The following CRPPA variants were observed in gnomAD, a reference collection of about 807,000 sequenced individuals.
CRPPA encodes D-ribitol-5-phosphate cytidylyltransferase.
CRPPA carries 43 observed loss-of-function variants against 52.0 expected under a neutral mutation model. That is an observed-to-expected ratio of 0.83 (90% CI 0.65 to 1.07). The LOEUF (loss-of-function observed/expected upper bound fraction) is 1.07, where lower values mean the gene tolerates loss of function less well. Among genes scored for constraint, CRPPA ranks in the 50% least tolerant of loss-of-function variants. CRPPA has a pLI of 0.00. For synonymous variants in CRPPA, 250 were observed against 203.5 expected (o/e 1.23, Z -1.94); for missense variants, 629 against 551.7 (o/e 1.14, Z -1.40).
intron 9 of CRPPA, among the ~76,000 whole-genome samples, chr7:16,114,144 T>C (rs1174460721): frequency 6.6e-6 from 1 of 151,796 alleles, no homozygotes; most frequent in Non-Finnish European, 1.5e-5. Context: ...AAGAGACTGC[T>C]TAATGTATAA....
At chr7:16,105,875 G>A (rs1782140742) in intron 9 of CRPPA, among the ~76,000 whole-genome samples, 1 of 152,092 alleles carries the variant, frequency 6.6e-6, no homozygotes, top group Non-Finnish European at 1.5e-5. Flanking sequence ...GAAGCTAAAA[G>A]TCCTACCCAA....
chr7:16,104,427 C>T (rs1782107457), intron 9 of CRPPA, among the ~76,000 whole-genome samples: 1 of 152,158 alleles, frequency 6.6e-6, no homozygotes, highest in African/African-American at 2.4e-5. Context: ...AGAATCATTA[C>T]AATTAAATGT....
intron 9 of CRPPA, among the ~76,000 whole-genome samples, chr7:16,128,315 TAA>T (rs1782618866): frequency 6.6e-6 from 1 of 152,044 alleles, no homozygotes; most frequent in African/African-American, 2.4e-5. Context: ...AGAAAAAAAA[TAA>T]AGATGTAATT....
chr7:16,264,453 A>T (rs1222653952), intron 6 of CRPPA, among the ~76,000 whole-genome samples: 1 of 152,244 alleles, frequency 6.6e-6, no homozygotes, highest in Admixed American at 6.5e-5. Flanking sequence ...AAATGCAAAC[A>T]TCTGTGTATT....
At chr7:16,394,495 G>A (rs553866721) in intron 2 of CRPPA, among the ~76,000 whole-genome samples, 3 of 152,220 alleles carry the variant, frequency 2.0e-5, no homozygotes, top group South Asian at 2.1e-4. Flanking sequence ...TCATTGGGGG[G>A]ATTAAATAAG....
intron 6 of CRPPA, among the ~76,000 whole-genome samples, chr7:16,264,558 G>T (rs1427946245): frequency 6.6e-6 from 1 of 152,142 alleles, no homozygotes; most frequent in African/African-American, 2.4e-5. Flanking sequence ...CCTAACTAAG[G>T]CTGAAAGGTT....
At chr7:16,212,222 T>C (rs575804846) in intron 9 of CRPPA, among the ~76,000 whole-genome samples, 28 of 152,304 alleles carry the variant, frequency 1.8e-4, no homozygotes, top group African/African-American at 6.7e-4. Context: ...GCTTGGTTTT[T>C]GCAGGTCTGC....
At chr7:16,349,635 T>C (rs987717064) in intron 3 of CRPPA, among the ~76,000 whole-genome samples, 4 of 151,598 alleles carry the variant, frequency 2.6e-5, no homozygotes, top group Non-Finnish European at 5.9e-5. Context: ...AAAACGTCAA[T>C]GGAATCAGCA....
At chr7:16,257,613 T>C (rs886655671) in intron 8 of CRPPA, among the ~76,000 whole-genome samples, 5 of 152,118 alleles carry the variant, frequency 3.3e-5, no homozygotes, top group African/African-American at 1.2e-4. Flanking sequence ...TTATTACTAA[T>C]CCTACCTGAC....
intron 3 of CRPPA, among the ~76,000 whole-genome samples, chr7:16,366,358 C>G (rs1015570759): frequency 6.6e-6 from 1 of 152,142 alleles, no homozygotes; most frequent in Admixed American, 6.5e-5. Flanking sequence ...TGCATCCTCA[C>G]TAGCAATGTA....
At chr7:16,399,518 C>G (rs937661155) in intron 2 of CRPPA, among the ~76,000 whole-genome samples, 1 of 151,714 alleles carries the variant, frequency 6.6e-6, no homozygotes, top group Non-Finnish European at 1.5e-5. Context: ...GTGACCAGAG[C>G]ATGATTGACA....
At chr7:16,379,344 T>A (rs934889415) in intron 2 of CRPPA, among the ~76,000 whole-genome samples, 3 of 152,228 alleles carry the variant, frequency 2.0e-5, no homozygotes, top group African/African-American at 7.2e-5. Context: ...GTTCCATTGA[T>A]CTATATCTCT....
At chr7:16,338,407 C>CA (rs574096776) in intron 3 of CRPPA, among the ~76,000 whole-genome samples, 27 of 152,282 alleles carry the variant, frequency 1.8e-4, no homozygotes, top group African/African-American at 6.0e-4. Context: ...CTATATATTA[C>CA]AAGCCAATGG....
intron 9 of CRPPA, among the ~76,000 whole-genome samples, chr7:16,124,994 T>C (rs1339919779): frequency 2.6e-5 from 4 of 152,006 alleles, no homozygotes; most frequent in Non-Finnish European, 2.9e-5. Context: ...GTGCAGTGGC[T>C]CACGCCTGTA....
chr7:16,234,513 T>C (rs1012520525), intron 8 of CRPPA, among the ~76,000 whole-genome samples: 21 of 152,092 alleles, frequency 1.4e-4, no homozygotes, highest in African/African-American at 5.1e-4. Flanking sequence ...GATAGTAAAA[T>C]GCATGAAGTT....
chr7:16,365,957 G>GT (rs1470841010), intron 3 of CRPPA, among the ~76,000 whole-genome samples: 1 of 152,180 alleles, frequency 6.6e-6, no homozygotes, highest in Non-Finnish European at 1.5e-5. Context: ...TGAAATGTTA[G>GT]TAAGTGCTTT....
At chr7:16,128,637 G>C (rs892196664) in intron 9 of CRPPA, among the ~76,000 whole-genome samples, 1 of 152,122 alleles carries the variant, frequency 6.6e-6, no homozygotes, top group Non-Finnish European at 1.5e-5. Flanking sequence ...AGTGATATGA[G>C]GTAGAAAGGC....
intron 8 of CRPPA, among the ~76,000 whole-genome samples, chr7:16,240,229 G>T (rs540567728): frequency 2.0e-5 from 3 of 149,678 alleles, no homozygotes; most frequent in Non-Finnish European, 3.0e-5. Flanking sequence ...CTAGATAAAG[G>T]TTCCAAAGGT....
At chr7:16,257,487 G>A (rs1444080548) in intron 8 of CRPPA, among the ~76,000 whole-genome samples, 1 of 151,980 alleles carries the variant, frequency 6.6e-6, no homozygotes, top group Admixed American at 6.6e-5. Context: ...TTATCTTTAT[G>A]GTATATGACC....
Sources: gnomAD v4.1 joint callset for allele counts (sites outside exome capture counted in the v4.1 genomes callset) on GRCh38, gnomAD v4.1.1 for gene constraint, MANE v1.5 for transcripts, NCBI Gene and HGNC (gene_info 2026-07-23, HGNC 2026-07-21) for gene names.